KCNN2: variants seen among roughly 807,000 people sequenced by gnomAD.
KCNN2 encodes the protein small conductance calcium-activated potassium channel protein 2.
A neutral mutation model predicts 55.5 loss-of-function variants in KCNN2; 24 were observed. The ratio of observed to expected loss-of-function variants is 0.43; its 90% CI spans 0.31 to 0.61. The LOEUF is 0.61. KCNN2 is among the 20% of genes least tolerant of loss of function. The pLI is 0.08. For synonymous variants in KCNN2, 431 were observed against 336.1 expected (o/e 1.28, Z -3.09); for missense variants, 754 against 853.6 (o/e 0.88, Z 1.45).
intron 1 of KCNN2, among the ~76,000 whole-genome samples, chr5:114,178,848 A>T (rs897751043): frequency 6.6e-6 from 1 of 152,230 alleles, no homozygotes; most frequent in Non-Finnish European, 1.5e-5. Context: ...CTGGGTTGAC[A>T]TATTTTCTCA....
intron 1 of KCNN2, among the ~76,000 whole-genome samples, chr5:114,166,081 G>A (rs1468145956): frequency 1.3e-5 from 2 of 151,826 alleles, no homozygotes; most frequent in Admixed American, 6.6e-5. Flanking sequence ...TAGTAGAAAT[G>A]GGGTTTCACC....
intron 2 of KCNN2, among the ~76,000 whole-genome samples, chr5:114,240,699 G>C (rs561634163): frequency 6.6e-6 from 1 of 151,848 alleles, no homozygotes; most frequent in African/African-American, 2.4e-5. Flanking sequence ...CAAAGTGCTG[G>C]GATTACAGGC....
At chr5:114,289,746 C>T (rs2150016931) in intron 2 of KCNN2, among the ~76,000 whole-genome samples, 1 of 152,222 alleles carries the variant, frequency 6.6e-6, no homozygotes, top group African/African-American at 2.4e-5. Flanking sequence ...AATCTTTAAA[C>T]TGCTTTGGCT....
At chr5:114,089,627 T>A (rs1751094635) in intron 1 of KCNN2, among the ~76,000 whole-genome samples, 2 of 152,232 alleles carry the variant, frequency 1.3e-5, no homozygotes, top group South Asian at 2.1e-4. Context: ...TGTGCCCCCA[T>A]GAACTTAAAT....
chr5:114,285,622 A>T (rs1755728511), intron 2 of KCNN2, among the ~76,000 whole-genome samples: 1 of 152,310 alleles, frequency 6.6e-6, no homozygotes, highest in Non-Finnish European at 1.5e-5. Flanking sequence ...TTTTATTTTT[A>T]TTCAATAATT....
chr5:114,299,362 A>C (rs1469082227), intron 2 of KCNN2, among the ~76,000 whole-genome samples: 2 of 152,084 alleles, frequency 1.3e-5, no homozygotes, highest in Admixed American at 1.3e-4. Flanking sequence ...TTTCAGGCTC[A>C]TTTCTGAATC....
chr5:114,069,146 T>A (rs1750513232), intron 1 of KCNN2, among the ~76,000 whole-genome samples: 1 of 152,172 alleles, frequency 6.6e-6, no homozygotes, highest in African/African-American at 2.4e-5. Flanking sequence ...CAACTATAGA[T>A]GATGCCAAGA....
Position 114,434,660 on chromosome 5 carries a change from C to T in KCNN2, c.1638-28389C>T, listed in dbSNP as rs1421615264. Among the ~76,000 whole-genome samples the T allele has an allele frequency of 3.3e-5, 5 of 152,178 alleles. No homozygotes were observed. The East Asian group carries it at 9.6e-4, about 29-fold the overall frequency. ...TAGCTGTGAGAAGAAAGGAGCCATTCTGTAGTCCGGTGATTAGTTCTCAGT... is the reference window on the plus strand; with the variant it reads ...TAGCTGTGAGAAGAAAGGAGCCATTTTGTAGTCCGGTGATTAGTTCTCAGT... On this transcript the variant is annotated intron_variant, in intron 3 of 7. Coordinates refer to ENST00000673685, the MANE Select transcript of KCNN2 (RefSeq NM_021614.4).
intron 2 of KCNN2, among the ~76,000 whole-genome samples, chr5:114,352,820 T>G (rs1315940436): frequency 6.6e-6 from 1 of 151,914 alleles, no homozygotes; most frequent in East Asian, 1.9e-4. Flanking sequence ...CAGGCTATTT[T>G]GGACAATGTT....
At chr5:114,162,300 G>A (rs1197475678) in intron 1 of KCNN2, among the ~76,000 whole-genome samples, 3 of 152,194 alleles carry the variant, frequency 2.0e-5, no homozygotes, top group South Asian at 4.1e-4. Flanking sequence ...ATCAGCAGTG[G>A]TGGCTGCAGA....
intron 2 of KCNN2, among the ~76,000 whole-genome samples, chr5:114,258,929 G>C (rs537450470): frequency 3.9e-5 from 6 of 152,326 alleles, no homozygotes; most frequent in Non-Finnish European, 8.8e-5. Context: ...GCCCAGCCTG[G>C]TGGGCACACC....
rs1013460795 is a variant in KCNN2, at chr5:114,362,291, C to A, written c.152C>A (p.Pro51Gln). 25 of 186,960 alleles carry A rather than the reference C, an allele frequency of 1.3e-4. No homozygotes were observed. The highest frequency in any genetic ancestry group is 5.5e-4 in the African/African-American group (23 of 42,170). 11.6% of individuals were successfully genotyped at this position (186,960 alleles called of 1,614,324 possible). The change falls in exon 1 of 8, where the codon CCG (proline) becomes CAG (glutamine). Residue 51 changes from proline to glutamine, a missense_variant. Transcript: ENST00000673685. Reference sequence around the variant, plus strand: ...CCCCTCCCGCACCCTCACCACCACCCGCACCTCGCGCACCAGCAGCCGGCC... The same window carrying A: ...CCCCTCCCGCACCCTCACCACCACCAGCACCTCGCGCACCAGCAGCCGGCC... ...FAPLPHPHHH[P>Q]HLAHQQPASG...
intron 2 of KCNN2, among the ~76,000 whole-genome samples, chr5:114,394,141 T>G (rs1758543456): frequency 1.3e-5 from 2 of 152,170 alleles, no homozygotes; most frequent in African/African-American, 2.4e-5. Context: ...TGAGTACTGT[T>G]TCCTCATACA....
chr5:114,313,074 GT>G (rs1270261141), intron 2 of KCNN2, among the ~76,000 whole-genome samples: 2 of 152,044 alleles, frequency 1.3e-5, no homozygotes, highest in Non-Finnish European at 2.9e-5. Context: ...TTTTCCCTTT[GT>G]TTTTGTTCAT....
intron 2 of KCNN2, among the ~76,000 whole-genome samples, chr5:114,365,923 T>C (rs1561589115): frequency 6.6e-6 from 1 of 151,178 alleles, no homozygotes. Flanking sequence ...GAAACATTCA[T>C]GGGGGAGGAC....
intron 1 of KCNN2, among the ~76,000 whole-genome samples, chr5:114,206,584 A>G: frequency 6.6e-6 from 1 of 151,692 alleles, no homozygotes; most frequent in East Asian, 1.9e-4. Context: ...TCTTCCCATG[A>G]TCACTCTCGT....
At position 114,486,978 on chromosome 5, in the gene KCNN2, T is replaced by C. The variant is rs138069548; in HGVS notation, c.1891-72T>C. 8.5e-4 allele frequency: 1,320 copies of C among 1,550,278 alleles called. 11 individuals carry two copies. The African/African-American group carries it at 0.016, about 19-fold the overall frequency. On this transcript the variant is annotated intron_variant, in intron 5 of 7. Transcript: ENST00000673685. ...TCACCATGATCCTTGGGATGAAGAC[T>C]ATGACCCCCAGCAAAGTTACAAAGG...
chr5:114,219,997 G>C (rs1164254775), intron 1 of KCNN2, among the ~76,000 whole-genome samples: 2 of 152,032 alleles, frequency 1.3e-5, no homozygotes, highest in Admixed American at 6.6e-5. Context: ...TATTTCTTAA[G>C]CAATCATTAA....
chr5:114,185,258 C>CG (rs1753308565), intron 1 of KCNN2, among the ~76,000 whole-genome samples: 1 of 152,192 alleles, frequency 6.6e-6, no homozygotes, highest in African/African-American at 2.4e-5. Context: ...TTTACCTTTC[C>CG]TGTATTTCCT....
Sources: gnomAD v4.1 joint callset for allele counts (sites outside exome capture counted in the v4.1 genomes callset) on GRCh38, gnomAD v4.1.1 for gene constraint, MANE v1.5 for transcripts, NCBI Gene and HGNC (gene_info 2026-07-23, HGNC 2026-07-21) for gene names.